CYP4X1: variants seen among roughly 807,000 people sequenced by gnomAD.
CYP4X1 encodes the protein cytochrome P450 family 4 subfamily X member 1, also known as cytochrome P450 4X1.
In CYP4X1, 44 loss-of-function variants were observed where a neutral mutation model predicts 57.9. The observed-to-expected ratio is 0.76, with a 90% CI of 0.60 to 0.98. CYP4X1 has a LOEUF of 0.98. CYP4X1 is among the 50% of genes least tolerant of loss of function. CYP4X1 has a pLI of 0.00. For missense variants in CYP4X1, 532 were observed against 623.9 expected, an observed-to-expected ratio of 0.85 and a Z score of 1.57; for synonymous variants, 227 against 228.6, an observed-to-expected ratio of 0.99 and a Z score of 0.06.
chr1:47,010,238 T>G, the CYP4X1 span, among the ~76,000 whole-genome samples: 2 of 152,146 alleles, frequency 1.3e-5, no homozygotes, highest in East Asian at 1.9e-4. Context: ...TCAACCCTGG[T>G]ATGCAAGGCT....
At chr1:47,028,047 A>G (rs1330496734) in intron 1 of CYP4X1, among the ~76,000 whole-genome samples, 1 of 152,228 alleles carries the variant, frequency 6.6e-6, no homozygotes, top group Non-Finnish European at 1.5e-5. Flanking sequence ...ATGCATAAAT[A>G]TATTAGGTGC....
intron 8 of CYP4X1, among the ~76,000 whole-genome samples, chr1:47,042,348 ATCTTTGGG>A: frequency 6.6e-6 from 1 of 151,538 alleles, no homozygotes; most frequent in African/African-American, 2.4e-5. Context: ...ATTGCATTGA[ATCTTTGGG>A]TAGTATGGAT....
chr1:47,047,692 C>G (rs1644317133), intron 9 of CYP4X1, among the ~76,000 whole-genome samples: 1 of 152,152 alleles, frequency 6.6e-6, no homozygotes, highest in African/African-American at 2.4e-5. Context: ...ACCTCTGCCT[C>G]CCAGGTTTAA....
the CYP4X1 span, among the ~76,000 whole-genome samples, chr1:46,962,236 C>T: frequency 6.6e-6 from 1 of 152,142 alleles, no homozygotes; most frequent in African/African-American, 2.4e-5. Context: ...CCTGCCTCAG[C>T]CTCCCAAGTA....
At chr1:46,982,070 T>C in the CYP4X1 span, among the ~76,000 whole-genome samples, 2 of 152,164 alleles carry the variant, frequency 1.3e-5, no homozygotes, top group African/African-American at 4.8e-5. Flanking sequence ...ACATGGCACA[T>C]GTATACATAT....
At chr1:46,996,435 C>T in the CYP4X1 span, among the ~76,000 whole-genome samples, 1 of 152,194 alleles carries the variant, frequency 6.6e-6, no homozygotes, top group East Asian at 1.9e-4. Flanking sequence ...ATCAACTACA[C>T]ATATTGACAT....
At chr1:47,026,563 A>G (rs549848927) in intron 1 of CYP4X1, among the ~76,000 whole-genome samples, 17 of 152,098 alleles carry the variant, frequency 1.1e-4, no homozygotes, top group Admixed American at 2.0e-4. Context: ...CAGCCTATCA[A>G]TTTCTACAAG....
the CYP4X1 span, among the ~76,000 whole-genome samples, chr1:47,012,600 C>G: frequency 6.6e-6 from 1 of 151,324 alleles, no homozygotes; most frequent in Non-Finnish European, 1.5e-5. Context: ...AAAAACCAGA[C>G]TGAAAAAAAA....
intron 11 of CYP4X1, among the ~76,000 whole-genome samples, 184 bp downstream of exon 11, chr1:47,049,688 C>G (rs545818574): frequency 1.3e-5 from 2 of 152,250 alleles, no homozygotes; most frequent in East Asian, 3.9e-4. Flanking sequence ...TCCTTTTTGG[C>G]CATGCCTCAA....
chr1:46,988,429 G>A, the CYP4X1 span, among the ~76,000 whole-genome samples: 25 of 152,096 alleles, frequency 1.6e-4, 1 homozygote, highest in Admixed American at 2.6e-4. Context: ...GGACAAGATG[G>A]ATTCACAGCC....
the CYP4X1 span, among the ~76,000 whole-genome samples, chr1:47,004,631 GTCTT>G: frequency 6.6e-6 from 1 of 151,378 alleles, no homozygotes; most frequent in African/African-American, 2.4e-5. Flanking sequence ...TTCTTTTTCT[GTCTT>G]TCAGCTGCTG....
chr1:47,018,003 T>C, the CYP4X1 span, among the ~76,000 whole-genome samples: 2 of 152,148 alleles, frequency 1.3e-5, no homozygotes, highest in East Asian at 1.9e-4. Context: ...TCACATAACA[T>C]AGGGATTGTC....
downstream of CYP4X1, among the ~76,000 whole-genome samples, chr1:47,054,886 C>G (rs548422578): frequency 6.6e-6 from 1 of 152,302 alleles, no homozygotes; most frequent in Non-Finnish European, 1.5e-5. Flanking sequence ...TTGACTTCCT[C>G]TTTTCCTAAT....
At chr1:46,988,038 G>A in the CYP4X1 span, among the ~76,000 whole-genome samples, 1 of 152,144 alleles carries the variant, frequency 6.6e-6, no homozygotes, top group South Asian at 2.1e-4. Flanking sequence ...TAAGATCAGA[G>A]CAGAACTGAA....
chr1:47,052,664 C>G (rs928920972), downstream of CYP4X1, among the ~76,000 whole-genome samples: 3 of 152,194 alleles, frequency 2.0e-5, no homozygotes, highest in Non-Finnish European at 4.4e-5. Flanking sequence ...ATACCTCTTT[C>G]AATCAGATTA....
At chr1:46,981,660 C>T in the CYP4X1 span, among the ~76,000 whole-genome samples, 789 of 152,240 alleles carry the variant, frequency 5.2e-3, 12 homozygotes, top group East Asian at 0.054. Flanking sequence ...ATAAATCATG[C>T]TACTATAAAG....
chr1:46,983,316 C>T, the CYP4X1 span, among the ~76,000 whole-genome samples: 12 of 152,204 alleles, frequency 7.9e-5, 1 homozygote, highest in East Asian at 2.3e-3. Flanking sequence ...TAGCCAAGGC[C>T]ATATCTGGTG....
the CYP4X1 span, among the ~76,000 whole-genome samples, chr1:46,992,224 G>A: frequency 6.6e-6 from 1 of 152,254 alleles, no homozygotes; most frequent in African/African-American, 2.4e-5. Flanking sequence ...GCTGAGGCAC[G>A]AGAATCACTT....
intron 1 of CYP4X1, among the ~76,000 whole-genome samples, chr1:47,027,955 T>C (rs1426761302): frequency 1.3e-5 from 2 of 152,204 alleles, no homozygotes; most frequent in East Asian, 3.8e-4. Flanking sequence ...CTGTGAGAGG[T>C]AGGATCTTTG....
Sources: allele counts gnomAD v4.1 joint callset (sites outside exome capture counted in the v4.1 genomes callset), GRCh38; gene constraint gnomAD v4.1.1; transcripts MANE v1.5; gene names NCBI Gene and HGNC (gene_info 2026-07-23, HGNC 2026-07-21).